Variants in PLBD1 observed in about 807,000 individuals in gnomAD.
PLBD1 encodes lysosomal leucine aminopeptidase.
Under a neutral mutation model 63.0 loss-of-function variants are expected in PLBD1, and 60 were observed. The ratio of observed to expected loss-of-function variants is 0.95; its 90% CI spans 0.77 to 1.18. PLBD1 has a LOEUF of 1.18. PLBD1 is among the 50% of genes most tolerant of loss of function. The pLI is 0.00. For synonymous variants in PLBD1, 262 were observed against 248.0 expected, an observed-to-expected ratio of 1.06 and a Z score of -0.53; for missense variants, 598 against 677.9, an observed-to-expected ratio of 0.88 and a Z score of 1.31.
At chr12:14,567,020 G>A (rs756644235) in intron 1 of PLBD1, among the ~76,000 whole-genome samples, 8 of 150,938 alleles carry the variant, frequency 5.3e-5, no homozygotes, top group Non-Finnish European at 1.0e-4. Context: ...GCTTGAACCC[G>A]GGAGGCGGAA....
Position 14,506,181 on chromosome 12 carries a change from C to T in PLBD1, c.1460G>A (p.Gly487Glu). 6.2e-7 allele frequency: 1 copy of T among 1,609,976 alleles called. No homozygotes were observed. The highest frequency in any genetic ancestry group is 2.2e-5 in the East Asian group (1 of 44,784). ...EDLNSPNPSP[G>E]GCYDTKVADI... ...TGTTACCTTTGTGTCATAACAACCTCCAGGACTTGGGTTAGGTGAGTTCAG... is the reference window on the plus strand; with the variant it reads ...TGTTACCTTTGTGTCATAACAACCTTCAGGACTTGGGTTAGGTGAGTTCAG... The change falls in exon 10 of 11, where the codon GGA becomes GAA. Residue 487 changes from glycine to glutamate, a missense_variant. By Grantham distance (98) the Gly-to-Glu change is moderately conservative (BLOSUM62 -2). Transcript: ENST00000240617.
At chr12:14,558,851 A>G (rs1945726741) in intron 1 of PLBD1, among the ~76,000 whole-genome samples, 1 of 152,100 alleles carries the variant, frequency 6.6e-6, no homozygotes, top group African/African-American at 2.4e-5. Flanking sequence ...CTTTTTTGAC[A>G]CTCGTGTACC....
At chr12:14,529,706 C>G (rs186783787) in intron 6 of PLBD1, among the ~76,000 whole-genome samples, 151 of 152,202 alleles carry the variant, frequency 9.9e-4, no homozygotes, top group African/African-American at 3.4e-3. Context: ...CACCCTAGGT[C>G]AGGAATTGGG....
chr12:14,560,653 A>G (rs1395094112), intron 1 of PLBD1, among the ~76,000 whole-genome samples: 2 of 152,220 alleles, frequency 1.3e-5, no homozygotes, highest in Admixed American at 6.5e-5. Context: ...CACTAACGAA[A>G]TAACTGATTT....
chr12:14,511,973 T>C (rs1945301708), intron 6 of PLBD1, among the ~76,000 whole-genome samples: 1 of 152,206 alleles, frequency 6.6e-6, no homozygotes, highest in Admixed American at 6.5e-5. Context: ...AAAAATATGT[T>C]AAATCCAGAA....
At chr12:14,541,911 G>A (rs111697377) in intron 3 of PLBD1, among the ~76,000 whole-genome samples, 4,110 of 152,270 alleles carry the variant, frequency 0.027, 112 homozygotes, top group African/African-American at 0.072. Context: ...GCCTCCATGA[G>A]GAACAGACCC....
Position 14,503,733 on chromosome 12 carries a change from T to TATC in PLBD1, c.*36_*38dup, listed in dbSNP as rs773749269. 2.0e-6 allele frequency: 3 copies of TATC among 1,531,782 alleles called. No individual in the cohort carries two copies. Among genetic ancestry groups the TATC allele is most frequent in the East Asian group, 2.3e-5 (1 of 44,216 alleles). The allele number at this position is 1,531,782 out of a possible 1,614,324, so 94.9% of individuals were successfully genotyped here. On this transcript the variant is annotated 3_prime_UTR_variant, in exon 11 of 11. Transcript: ENST00000240617. ...AACATAGCTAAAATAGTGCCTTTGG[T>TATC]ATCTTATTTACAGTCTTCTAGTCCG... is the stretch of plus-strand genomic sequence containing the variant.
chr12:14,533,739 C>T (rs1317616578), intron 6 of PLBD1, among the ~76,000 whole-genome samples: 2 of 152,188 alleles, frequency 1.3e-5, no homozygotes, highest in African/African-American at 4.8e-5. Flanking sequence ...CCCCAGTCCC[C>T]CTCAATGCTA....
At chr12:14,540,081 A>C (rs1945558068) in intron 4 of PLBD1, among the ~76,000 whole-genome samples, 2 of 113,834 alleles carry the variant, frequency 1.8e-5, no homozygotes, top group Admixed American at 9.1e-5. Flanking sequence ...AAAATAGGCA[A>C]AAAGAGAGTT....
At chr12:14,532,180 A>G (rs1450863363) in intron 6 of PLBD1, among the ~76,000 whole-genome samples, 1 of 152,150 alleles carries the variant, frequency 6.6e-6, no homozygotes, top group Non-Finnish European at 1.5e-5. Context: ...CACACCAGAA[A>G]AATCCATCTG....
In PLBD1 at chr12:14,549,700, C is replaced by T. The variant is rs181850541; in HGVS notation, c.335+3493G>A. On this transcript the variant is annotated intron_variant, in intron 2 of 10. Transcript: ENST00000240617. The stretch of plus-strand genomic sequence containing the variant: ...GGTTTTTTTTTGAGATGGAGTTTCA[C>T]TCTTGTTGCCCAGGCTGGAGTGCAA... Among the ~76,000 whole-genome samples the T allele has an allele frequency of 4.6e-5, 7 of 152,154 alleles. No homozygotes were observed. In the East Asian group the frequency reaches 1.4e-3, roughly 29 times the overall value.
rs1284688648 is a variant in PLBD1 at position 14,567,601 on chromosome 12, C to G, written c.96G>C (p.Ala32=). 1 of 1,500,000 alleles carries G rather than the reference C, an allele frequency of 6.7e-7. No individual in the cohort carries two copies. The highest frequency in any genetic ancestry group is 2.2e-5 in the Admixed American group (1 of 46,360). 92.9% of individuals were successfully genotyped at this position (1,500,000 alleles called of 1,614,324 possible). Residue 32 remains alanine (A), a synonymous_variant, in exon 1 of 11, where the codon GCG becomes GCC. Coordinates refer to ENST00000240617, the MANE Select transcript of PLBD1 (RefSeq NM_024829.6). ...LLLLPLLLVT[A]EPPKPAGVYY... Reference sequence around the variant, plus strand: ...GCTCACCTGCAGGTTTCGGCGGCTCCGCGGTGACTAACAACAGCGGCAGCA... The same window carrying G: ...GCTCACCTGCAGGTTTCGGCGGCTCGGCGGTGACTAACAACAGCGGCAGCA...
intron 1 of PLBD1, among the ~76,000 whole-genome samples, chr12:14,555,080 G>A (rs945553029): frequency 6.6e-6 from 1 of 152,054 alleles, no homozygotes; most frequent in Non-Finnish European, 1.5e-5. Context: ...ATATTTTTAT[G>A]CTACTTTAGG....
intron 2 of PLBD1, among the ~76,000 whole-genome samples, chr12:14,548,254 C>T (rs555178609): frequency 5.3e-5 from 8 of 151,708 alleles, no homozygotes; most frequent in Non-Finnish European, 1.2e-4. Flanking sequence ...GTCAGGAGTT[C>T]GAGACCAGCC....
intron 4 of PLBD1, among the ~76,000 whole-genome samples, chr12:14,538,284 C>A (rs1945536473): frequency 6.6e-6 from 1 of 152,068 alleles, no homozygotes; most frequent in South Asian, 2.1e-4. Flanking sequence ...ACCTCCGCAT[C>A]CTGAGTTCAA....
chr12:14,519,900 T>C (rs78189076), intron 6 of PLBD1, among the ~76,000 whole-genome samples: 1,962 of 152,240 alleles, frequency 0.013, 37 homozygotes, highest in African/African-American at 0.045. Flanking sequence ...CTTGAGATGG[T>C]GAGATCAAAG....
At chr12:14,510,387 C>A (rs1945287925) in intron 8 of PLBD1, among the ~76,000 whole-genome samples, 1 of 152,104 alleles carries the variant, frequency 6.6e-6, no homozygotes, top group South Asian at 2.1e-4. Flanking sequence ...GAGCGACACT[C>A]CATCTGAAGA....
chr12:14,529,632 A>G (rs1470528948), intron 6 of PLBD1, among the ~76,000 whole-genome samples: 1 of 152,232 alleles, frequency 6.6e-6, no homozygotes, highest in Non-Finnish European at 1.5e-5. Context: ...CCTTAACATT[A>G]TAAAGGGCAT....
rs111693348 is a variant in PLBD1 at position 14,523,362 on chromosome 12, T to C, written c.845-11651A>G. On this transcript the variant is annotated intron_variant, in intron 6 of 10. Transcript: ENST00000240617. ...AGGATACAAATGGAAAGATATTCCA[T>C]GTTTACGGATTTGAGGAATTTTTAA... Among the ~76,000 whole-genome samples the C allele has an allele frequency of 2.6e-5, 4 of 152,286 alleles. No individual in the cohort carries two copies. The East Asian group carries it at 7.7e-4, about 29-fold the overall frequency.
Sources: gnomAD v4.1 joint callset for allele counts (sites outside exome capture counted in the v4.1 genomes callset) on GRCh38, gnomAD v4.1.1 for gene constraint, MANE v1.5 for transcripts, NCBI Gene and HGNC (gene_info 2026-07-23, HGNC 2026-07-21) for gene names.